The following FAM217B variants were observed in gnomAD, a reference collection of about 807,000 sequenced individuals.
FAM217B encodes the protein family with sequence similarity 217 member B, also known as protein FAM217B.
For synonymous variants in FAM217B, 163 were observed against 173.0 expected (o/e 0.94, Z 0.45); for missense variants, 463 against 456.9 (o/e 1.01, Z -0.12).
rs894861660 is a variant in FAM217B, at chr20:59,946,759, A to G, written c.*1664A>G. The G allele has an allele frequency of 1.2e-5, 2 of 167,120 alleles. No homozygotes were observed. The highest frequency in any genetic ancestry group is 2.4e-5 in the African/African-American group (1 of 41,474). The allele number at this position is 167,120 out of a possible 1,614,324, so 10.4% of individuals were successfully genotyped here. A position where few individuals can be genotyped will look rare whatever the true frequency, so the allele number is the denominator to read the frequency against. On this transcript the variant is annotated 3_prime_UTR_variant, in exon 4 of 4. Transcript: ENST00000360816. ...CTTTTTATGTGAACAAAAGATGTACATATAGTAAGTATTACTTCCGTAGTC... is the reference window on the plus strand; with the variant it reads ...CTTTTTATGTGAACAAAAGATGTACGTATAGTAAGTATTACTTCCGTAGTC...
rs558521863 is a variant in FAM217B, at chr20:59,947,541, G to T, written c.*2446G>T. 1.2e-5 allele frequency: 2 copies of T among 166,914 alleles called. No homozygotes were observed. Among genetic ancestry groups the T allele is most frequent in the African/African-American group, 4.8e-5 (2 of 41,424 alleles). 10.3% of individuals were successfully genotyped at this position (166,914 alleles called of 1,614,324 possible). A position where few individuals can be genotyped will look rare whatever the true frequency, so the allele number is the denominator to read the frequency against. On this transcript the variant is annotated 3_prime_UTR_variant, in exon 4 of 4. Coordinates refer to ENST00000360816, the MANE Select transcript of FAM217B (RefSeq NM_022106.3). Reference sequence around the variant, plus strand: ...AAAAAGAAAGAAATTGAGAAGTAACGCCTCATAATATTTGTTCCCAGCTTT... The same window carrying T: ...AAAAAGAAAGAAATTGAGAAGTAACTCCTCATAATATTTGTTCCCAGCTTT...
At chr20:59,940,814 C>T (rs2060900125) in intron 1 of FAM217B, among the ~76,000 whole-genome samples, 1 of 152,194 alleles carries the variant, frequency 6.6e-6, no homozygotes. Flanking sequence ...GCGTCATGTC[C>T]ACATCACCCA....
upstream of FAM217B, chr20:59,939,217 CG>C (rs1569005242): frequency 2.5e-6 from 4 of 1,610,746 alleles, no homozygotes; most frequent in Non-Finnish European, 3.4e-6. Context: ...ACTGGAAAGC[CG>C]AAGGTGAAAA....
At chr20:59,935,372 AACT>A (rs1199241040) in intron 1 of FAM217B, among the ~76,000 whole-genome samples, 9 of 152,330 alleles carry the variant, frequency 5.9e-5, no homozygotes, top group Admixed American at 5.2e-4. Context: ...AACATCCGTA[AACT>A]ACAACATGGA....
chr20:59,947,412 G>C lies in FAM217B; in HGVS notation c.*2317G>C, dbSNP rs757622927. 1 of 154,496 alleles carries C rather than the reference G, an allele frequency of 6.5e-6. No individual in the cohort carries two copies. Among genetic ancestry groups the C allele is most frequent in the Admixed American group, 6.5e-5 (1 of 15,270 alleles). The allele number at this position is 154,496 out of a possible 1,614,324, so 9.6% of individuals were successfully genotyped here. Reference sequence around the variant, plus strand: ...TCCCAGCTACTCGGAAGTTTGAGACGAGAATCTCTTGAACCCGGGAGGCGG... The same window carrying C: ...TCCCAGCTACTCGGAAGTTTGAGACCAGAATCTCTTGAACCCGGGAGGCGG... On this transcript the variant is annotated 3_prime_UTR_variant, in exon 4 of 4. Coordinates refer to ENST00000360816, the MANE Select transcript of FAM217B (RefSeq NM_022106.3).
Position 59,944,078 on chromosome 20 carries a change from A to G in FAM217B, c.135A>G (p.Glu45=). The change falls in exon 4 of 4, where the codon GAA becomes GAG. Residue 45 remains glutamate (E), a synonymous_variant. Coordinates refer to ENST00000360816, the MANE Select transcript of FAM217B (RefSeq NM_022106.3). ...SSLTAVTQPT[E]EKLKESISPE... The stretch of plus-strand genomic sequence containing the variant: ...TCACAGCTGTCACCCAGCCTACTGA[A>G]GAAAAACTTAAAGAAAGCATTTCCC... The G allele has an allele frequency of 6.2e-7, 1 of 1,614,224 alleles. No individual in the cohort carries two copies. Among genetic ancestry groups the G allele is most frequent in the South Asian group, 1.1e-5 (1 of 91,082 alleles).
In FAM217B at chr20:59,944,398, C is replaced by G. The variant is rs762775085; in HGVS notation, c.455C>G (p.Ser152Cys). ...AATTTCCTTCCATCCCCTTTCAGCTCCTGGGACCTACGAGATATGGCCCTG... is the reference window on the plus strand; with the variant it reads ...AATTTCCTTCCATCCCCTTTCAGCTGCTGGGACCTACGAGATATGGCCCTG... ...YPNFLPSPFS[S>C]WDLRDMALLL... Residue 152 changes from serine to cysteine, a missense_variant, in exon 4 of 4, where the codon TCC (serine) becomes TGC (cysteine). By Grantham distance (112) the Ser-to-Cys change is moderately radical. Coordinates refer to ENST00000360816, the MANE Select transcript of FAM217B (RefSeq NM_022106.3). The G allele has an allele frequency of 2.5e-6, 4 of 1,614,008 alleles. No homozygotes were observed. Among genetic ancestry groups the G allele is most frequent in the Non-Finnish European group, 2.5e-6 (3 of 1,179,988 alleles).
chr20:59,938,920 G>T, upstream of FAM217B: 2 of 1,085,074 alleles, frequency 1.8e-6, no homozygotes, highest in South Asian at 2.4e-5. Flanking sequence ...AATTAGGTCA[G>T]AGGACTTGGA....
rs1340062469 is a variant in FAM217B at position 59,945,094 on chromosome 20, A to G, written c.1151A>G (p.Ter384=). Residue 384 remains the stop codon, a stop_retained_variant, in exon 4 of 4, where the codon TAA becomes TGA. Coordinates refer to ENST00000360816, the MANE Select transcript of FAM217B (RefSeq NM_022106.3). The part of the protein sequence containing the change: ...GVKQNTYKLK[*] ...AAGCAAAACACATATAAACTAAAAT[A>G]AATATCTAAAATGCTGAATTGCCAA... 1 of 1,565,794 alleles carries G rather than the reference A, an allele frequency of 6.4e-7. No individual in the cohort carries two copies. The highest frequency in any genetic ancestry group is 2.0e-5 in the Admixed American group (1 of 50,620).
chr20:59,938,082 A>C (rs764704723), upstream of FAM217B: 2 of 152,254 alleles, frequency 1.3e-5, no homozygotes, highest in Non-Finnish European at 2.9e-5. Flanking sequence ...CTTAACAAGA[A>C]ATAAAAATAG....
upstream of FAM217B, chr20:59,939,699 G>A (rs1298677817): frequency 2.2e-6 from 3 of 1,359,484 alleles, no homozygotes; most frequent in Non-Finnish European, 2.8e-6. Flanking sequence ...GCGCTCGGGG[G>A]AGCTGGGCAG....
At chr20:59,934,343 TA>T (rs762789206) in intron 1 of FAM217B, among the ~76,000 whole-genome samples, 36 of 152,322 alleles carry the variant, frequency 2.4e-4, no homozygotes, top group Non-Finnish European at 4.4e-4. Context: ...GGTGCTTGTG[TA>T]AAAAATCGCA....
At chr20:59,939,010 A>G (rs758454930), upstream of FAM217B, 4 of 1,491,646 alleles carry the variant, frequency 2.7e-6, no homozygotes, top group Admixed American at 8.9e-5. Context: ...TGGAGGCTCC[A>G]GGTGGCCGGT....
chr20:59,946,354 T>C lies in FAM217B; in HGVS notation c.*1259T>C. The C allele has an allele frequency of 6.0e-6, 1 of 167,178 alleles. No individual in the cohort carries two copies. 10.4% of individuals were successfully genotyped at this position (167,178 alleles called of 1,614,324 possible). A position where few individuals can be genotyped will look rare whatever the true frequency, so the allele number is the denominator to read the frequency against. ...TATCCCTTTAAACAATTACTGTATT[T>C]GTTTTTGACGTAGAGGTTTCAATTT... On this transcript the variant is annotated 3_prime_UTR_variant, in exon 4 of 4. Transcript: ENST00000360816.
At chr20:59,940,042 G>T, upstream of FAM217B, 1 of 939,730 alleles carries the variant, frequency 1.1e-6, no homozygotes, top group African/African-American at 1.7e-5. Flanking sequence ...TCTGCAACCT[G>T]CGGGGGACCT....
chr20:59,934,045 A>G (rs1390680756), intron 1 of FAM217B, among the ~76,000 whole-genome samples: 2 of 152,030 alleles, frequency 1.3e-5, no homozygotes, highest in African/African-American at 4.8e-5. Context: ...GGAGAAGCCC[A>G]TCCCCGCGCT....
chr20:59,945,080 A>T lies in FAM217B; in HGVS notation c.1137A>T (p.Thr379=). ...AAACAAACGGAGTAAAGCAAAACAC[A>T]TATAAACTAAAATAAATATCTAAAA... ...KLKTNGVKQN[T]YKLK The change falls in exon 4 of 4, where the codon ACA becomes ACT. Residue 379 remains threonine, a synonymous_variant. Transcript: ENST00000360816. 1 of 1,587,446 alleles carries T rather than the reference A, an allele frequency of 6.3e-7. No homozygotes were observed.
At chr20:59,942,070 A>G (rs1222373084) in intron 1 of FAM217B, 128 bp from the exon 2 acceptor site, 1 of 152,532 alleles carries the variant, frequency 6.6e-6, no homozygotes, top group Non-Finnish European at 1.5e-5. Flanking sequence ...AGTGCAAACC[A>G]CTATATGATC....
rs6071037 is a variant in FAM217B, at chr20:59,945,241, C to T, written c.*146C>T. The stretch of plus-strand genomic sequence containing the variant: ...GCATTTTTGTCCACCTTTATTTCTA[C>T]CCTGAGTGGGGTTATTTTCAAAGGG... On this transcript the variant is annotated 3_prime_UTR_variant, in exon 4 of 4. Coordinates refer to ENST00000360816, the MANE Select transcript of FAM217B (RefSeq NM_022106.3). 16,481 of 679,350 alleles carry T rather than the reference C, an allele frequency of 0.024. 232 individuals are homozygous for T. The highest frequency in any genetic ancestry group is 0.039 in the Middle Eastern group (93 of 2,356). 42.1% of individuals were successfully genotyped at this position (679,350 alleles called of 1,614,324 possible).
Sources: allele counts gnomAD v4.1 joint callset (sites outside exome capture counted in the v4.1 genomes callset), GRCh38; gene constraint gnomAD v4.1.1; transcripts MANE v1.5; gene names NCBI Gene and HGNC (gene_info 2026-07-23, HGNC 2026-07-21).